Variants in APBB2 observed in about 807,000 individuals in gnomAD.
The protein encoded by APBB2 is amyloid beta precursor protein binding family B member 2.
A neutral mutation model predicts 82.5 loss-of-function variants in APBB2; 38 were observed. The ratio of observed to expected loss-of-function variants is 0.46; its 90% confidence interval spans 0.36 to 0.60. The LOEUF (loss-of-function observed/expected upper bound fraction) is 0.60. Among genes scored for constraint, APBB2 ranks in the 20% least tolerant of loss-of-function variants. The pLI, the probability that APBB2 is intolerant of heterozygous loss-of-function variation, is 0.00. For missense variants in APBB2, 772 were observed against 972.3 expected (o/e 0.79, Z 2.74); for synonymous variants, 341 against 368.2 (o/e 0.93, Z 0.85).
At chr4:40,980,597 G>A (rs940081693) in intron 6 of APBB2, among the ~76,000 whole-genome samples, 1 of 152,156 alleles carries the variant, frequency 6.6e-6, no homozygotes, top group African/African-American at 2.4e-5. Flanking sequence ...ATACCAAGGA[G>A]GGGAAAGTTT....
intron 17 of APBB2, among the ~76,000 whole-genome samples, chr4:40,817,983 T>G (rs2437297): frequency 7.9e-5 from 12 of 152,048 alleles, no homozygotes; most frequent in Admixed American, 3.3e-4. Flanking sequence ...GTACATCCAG[T>G]GTGAATCAAA....
At chr4:40,916,532 C>T (rs998047743) in intron 10 of APBB2, among the ~76,000 whole-genome samples, 3 of 152,186 alleles carry the variant, frequency 2.0e-5, no homozygotes, top group Non-Finnish European at 4.4e-5. Context: ...ATATGTTTCC[C>T]TTTGAAAGAA....
chr4:41,161,170 CAAAAAAAAAAAAAAA>C (rs33917178), intron 1 of APBB2, among the ~76,000 whole-genome samples: 1 of 86,278 alleles, frequency 1.2e-5, no homozygotes, highest in African/African-American at 4.1e-5. Context: ...TCTTCCCTGG[CAAAAAAAAAAAAAAA>C]AAAAAAAAAC....
At chr4:41,188,075 G>T (rs993647852) in intron 1 of APBB2, among the ~76,000 whole-genome samples, 1 of 152,162 alleles carries the variant, frequency 6.6e-6, no homozygotes, top group Non-Finnish European at 1.5e-5. Context: ...ACATTAAAGT[G>T]CCTATAAACT....
intron 3 of APBB2, among the ~76,000 whole-genome samples, chr4:41,085,462 C>G (rs1579905756): frequency 1.3e-5 from 2 of 152,194 alleles, no homozygotes; most frequent in East Asian, 3.9e-4. Context: ...GCTTTCATCC[C>G]TAAGTTCACT....
intron 6 of APBB2, among the ~76,000 whole-genome samples, chr4:40,957,143 G>T (rs931650959): frequency 6.6e-6 from 1 of 152,080 alleles, no homozygotes; most frequent in African/African-American, 2.4e-5. Context: ...CGCAAAGCCG[G>T]GCACATAGTA....
chr4:40,989,152 A>G (rs1801298273), intron 6 of APBB2, among the ~76,000 whole-genome samples: 1 of 152,172 alleles, frequency 6.6e-6, no homozygotes, highest in African/African-American at 2.4e-5. Flanking sequence ...ACTTACTGAT[A>G]CACAGTATTA....
chr4:41,136,934 T>C (rs1036321513), intron 2 of APBB2, among the ~76,000 whole-genome samples: 1 of 152,210 alleles, frequency 6.6e-6, no homozygotes, highest in Non-Finnish European at 1.5e-5. Flanking sequence ...TGTTTATGCA[T>C]CCATAACGCA....
At chr4:41,112,410 A>ATGGCCT (rs1481682523) in intron 2 of APBB2, among the ~76,000 whole-genome samples, 1 of 152,158 alleles carries the variant, frequency 6.6e-6, no homozygotes, top group Non-Finnish European at 1.5e-5. Flanking sequence ...GAAGGCACCC[A>ATGGCCT]ACCATCCCAT....
intron 6 of APBB2, among the ~76,000 whole-genome samples, chr4:40,996,993 T>C (rs1579104696): frequency 6.6e-6 from 1 of 152,110 alleles, no homozygotes; most frequent in Non-Finnish European, 1.5e-5. Context: ...GCCTCCCAGA[T>C]AGCATGAAGG....
intron 17 of APBB2, among the ~76,000 whole-genome samples, chr4:40,819,428 C>T (rs996245939): frequency 7.9e-5 from 12 of 151,864 alleles, no homozygotes; most frequent in East Asian, 5.8e-4. Context: ...TCAAGTGATC[C>T]GCCCGCCTCA....
At chr4:41,009,223 A>G (rs1420430398) in intron 6 of APBB2, among the ~76,000 whole-genome samples, 1 of 151,956 alleles carries the variant, frequency 6.6e-6, no homozygotes, top group Non-Finnish European at 1.5e-5. Context: ...AGGGAACTGT[A>G]TCTTTGAAAA....
intron 6 of APBB2, among the ~76,000 whole-genome samples, chr4:40,973,790 A>G (rs945783643): frequency 1.3e-5 from 2 of 149,706 alleles, no homozygotes; most frequent in Non-Finnish European, 3.0e-5. Flanking sequence ...TCACATATCC[A>G]TCTTCCTCTG....
At chr4:41,113,990 T>C (rs1329259290) in intron 2 of APBB2, 1 of 152,294 alleles carries the variant, frequency 6.6e-6, no homozygotes, top group Admixed American at 6.6e-5. Context: ...ACACAGACAT[T>C]AGCCTGGCCC....
intron 3 of APBB2, among the ~76,000 whole-genome samples, chr4:41,091,962 T>A (rs1741866110): frequency 6.6e-6 from 1 of 152,218 alleles, no homozygotes; most frequent in South Asian, 2.1e-4. Context: ...TTTTCTGGTA[T>A]TTGTGAGATC....
intron 12 of APBB2, among the ~76,000 whole-genome samples, chr4:40,836,224 C>A (rs1159029720): frequency 2.0e-5 from 3 of 152,152 alleles, no homozygotes; most frequent in South Asian, 2.1e-4. Context: ...TGCCTGTAAT[C>A]CCAGCATTTT....
At chr4:41,039,536 G>A (rs1283008349) in intron 4 of APBB2, among the ~76,000 whole-genome samples, 2 of 152,262 alleles carry the variant, frequency 1.3e-5, no homozygotes, top group Admixed American at 6.5e-5. Flanking sequence ...GTTTTGCTTA[G>A]TGTCTAGCAC....
chr4:41,036,019 T>TG (rs1478152126), intron 4 of APBB2, among the ~76,000 whole-genome samples: 1 of 151,608 alleles, frequency 6.6e-6, no homozygotes, highest in African/African-American at 2.4e-5. Flanking sequence ...ATTAGCTGGG[T>TG]GGGGTGGCAC....
intron 3 of APBB2, among the ~76,000 whole-genome samples, chr4:41,065,924 T>C (rs1579714057): frequency 6.6e-6 from 1 of 152,098 alleles, no homozygotes; most frequent in East Asian, 1.9e-4. Context: ...CTGGAAGGCT[T>C]GACCAGGGCT....
Sources: gnomAD v4.1 joint callset for allele counts (sites outside exome capture counted in the v4.1 genomes callset) on GRCh38, gnomAD v4.1.1 for gene constraint, MANE v1.5 for transcripts, NCBI Gene and HGNC (gene_info 2026-07-23, HGNC 2026-07-21) for gene names.